Variants in SLC15A1 observed in about 807,000 individuals in gnomAD.
SLC15A1 encodes solute carrier family 15 member 1.
In SLC15A1, 83 loss-of-function variants were observed where a neutral mutation model predicts 92.9. The ratio of observed to expected loss-of-function variants is 0.89; its 90% CI spans 0.75 to 1.07. The LOEUF is 1.07. Ranked by LOEUF, SLC15A1 falls within the 50% of genes least tolerant of loss-of-function variation. The pLI is 0.00. For missense variants in SLC15A1, 857 were observed against 880.1 expected, an observed-to-expected ratio of 0.97 and a Z score of 0.33; for synonymous variants, 322 against 318.2, an observed-to-expected ratio of 1.01 and a Z score of -0.13.
intron 15 of SLC15A1, among the ~76,000 whole-genome samples, chr13:98,706,959 C>T (rs1241087091): frequency 6.6e-6 from 1 of 152,222 alleles, no homozygotes; most frequent in Non-Finnish European, 1.5e-5. Flanking sequence ...GATCTACCGT[C>T]ACCCGACTCC....
chr13:98,695,541 C>T (rs1207595483), intron 18 of SLC15A1, among the ~76,000 whole-genome samples: 2 of 152,118 alleles, frequency 1.3e-5, no homozygotes, highest in Admixed American at 1.3e-4. Flanking sequence ...TACAGGCACA[C>T]ACCATGCCCA....
intron 18 of SLC15A1, among the ~76,000 whole-genome samples, chr13:98,695,677 G>A (rs1334861079): frequency 1.3e-5 from 2 of 152,036 alleles, no homozygotes; most frequent in African/African-American, 2.4e-5. Flanking sequence ...ACAGGCTTGA[G>A]CCACCGAGCC....
intron 1 of SLC15A1, among the ~76,000 whole-genome samples, chr13:98,734,083 G>A (rs1270950849): frequency 1.3e-5 from 2 of 151,956 alleles, no homozygotes; most frequent in African/African-American, 2.4e-5. Context: ...CTCCTGCATC[G>A]GCCTCCTGAG....
Position 98,723,914 on chromosome 13 carries a change from G to C in SLC15A1, c.363C>G (p.His121Gln). The C allele has an allele frequency of 6.2e-7, 1 of 1,614,120 alleles. No individual in the cohort carries two copies. The highest frequency in any genetic ancestry group is 1.7e-4 in the Middle Eastern group (1 of 6,056). Residue 121 changes from histidine to glutamine, a missense_variant and splice_region_variant, in exon 5 of 23, where the codon CAC (histidine) becomes CAG (glutamine). His to Gln is a conservative substitution (Grantham distance 24). Coordinates refer to ENST00000376503, the MANE Select transcript of SLC15A1 (RefSeq NM_005073.4). ...GGCAGCAGTGAGCACCAACTCACAC[G>C]TGCACAGGAAGGCTGTCGGGGGTGC... ...HDGTPDSLPV[H>Q]VVLSLIGLAL...
chr13:98,731,765 A>G (rs528685718), intron 1 of SLC15A1, among the ~76,000 whole-genome samples: 16 of 152,154 alleles, frequency 1.1e-4, no homozygotes, highest in African/African-American at 3.9e-4. Context: ...ATAGTGGTAA[A>G]GTTTTTCTCT....
intron 1 of SLC15A1, among the ~76,000 whole-genome samples, chr13:98,750,135 G>A (rs776623237): frequency 6.6e-5 from 10 of 151,006 alleles, no homozygotes; most frequent in Admixed American, 5.3e-4. Flanking sequence ...TTTTTGAGAC[G>A]GAGTTTCACT....
At chr13:98,718,413 A>C (rs898658054) in intron 8 of SLC15A1, among the ~76,000 whole-genome samples, 6 of 143,822 alleles carry the variant, frequency 4.2e-5, no homozygotes, top group African/African-American at 8.0e-5. Context: ...TCGACCTCCC[A>C]GGCTCAAGCA....
intron 11 of SLC15A1, among the ~76,000 whole-genome samples, chr13:98,710,688 A>G (rs1268778128): frequency 6.6e-6 from 1 of 151,428 alleles, no homozygotes; most frequent in Non-Finnish European, 1.5e-5. Context: ...GGTGCCTGTC[A>G]TCTCAGCTGC....
In SLC15A1 at chr13:98,706,245, A is replaced by T; in HGVS notation, c.1158T>A (p.Leu386=). Residue 386 remains leucine, a synonymous_variant, in exon 16 of 23, where the codon CTT becomes CTA. Transcript: ENST00000376503. Reference sequence around the variant, plus strand: ...CTTCGTTTCCTTTGGGGAAGACTGGAAGAGTTTTCTGAGCAAAATAAAAGA... The same window carrying T: ...CTTCGTTTCCTTTGGGGAAGACTGGTAGAGTTTTCTGAGCAAAATAAAAGA... ...AIVQVEIDKT[L]PVFPKGNEVQ... is the part of the protein sequence containing the mutation. The T allele has an allele frequency of 6.2e-7, 1 of 1,612,348 alleles. No homozygotes were observed. Among genetic ancestry groups the T allele is most frequent in the African/African-American group, 1.3e-5 (1 of 74,906 alleles).
intron 1 of SLC15A1, among the ~76,000 whole-genome samples, chr13:98,747,693 C>T (rs2088505214): frequency 6.6e-6 from 1 of 152,114 alleles, no homozygotes; most frequent in South Asian, 2.1e-4. Context: ...CCATCCTGGC[C>T]AACGTGGTGA....
intron 1 of SLC15A1, among the ~76,000 whole-genome samples, chr13:98,745,934 C>T (rs1227054315): frequency 2.0e-5 from 3 of 151,856 alleles, no homozygotes; most frequent in Non-Finnish European, 2.9e-5. Context: ...ATAGGTAACT[C>T]GTGACTCAGG....
At chr13:98,724,321 T>C (rs1218772684) in intron 4 of SLC15A1, among the ~76,000 whole-genome samples, 1 of 152,010 alleles carries the variant, frequency 6.6e-6, no homozygotes, top group Non-Finnish European at 1.5e-5. Flanking sequence ...CTGGGCAACA[T>C]AGCAAGACCC....
rs2087917230 is a variant in SLC15A1, at chr13:98,684,756, T to A, written c.2095A>T (p.Met699Leu). 6.2e-7 allele frequency: 1 copy of A among 1,614,012 alleles called. No homozygotes were observed. Among genetic ancestry groups the A allele is most frequent in the Non-Finnish European group, 8.5e-7 (1 of 1,179,990 alleles). Residue 699 changes from methionine to leucine, a missense_variant, in exon 23 of 23, where the codon ATG (methionine) becomes TTG (leucine). Transcript: ENST00000376503. ...TGTTTCTGTGAATTGGCCCCTGACA[T>A]GAAATATGGGTTACTCTTTTCCAGT... ...NRLEKSNPYF[M>L]SGANSQKQM is the part of the protein sequence containing the mutation.
chr13:98,709,541 C>A lies in SLC15A1; in HGVS notation c.1067+31G>T, dbSNP rs377260942. On this transcript the variant is annotated intron_variant, in intron 14 of 22. Transcript: ENST00000376503. ...CTGCAAAGCCCTGGGACCAAGGGAG[C>A]CTCAACCAACCCAACCCACCCGTCA... 3.7e-6 allele frequency: 6 copies of A among 1,601,378 alleles called. No homozygotes were observed. In the African/African-American group the frequency reaches 5.4e-5, roughly 14 times the overall value.
chr13:98,721,076 A>G, intron 7 of SLC15A1: 3 of 467,224 alleles, frequency 6.4e-6, no homozygotes, highest in South Asian at 3.1e-5. Flanking sequence ...CAAACAAAAA[A>G]TCAATACAAT....
In SLC15A1 at chr13:98,744,606, G is replaced by A. The variant is rs185979318; in HGVS notation, c.4+7989C>T. On this transcript the variant is annotated intron_variant, in intron 1 of 22. Transcript: ENST00000376503. Reference sequence around the variant, plus strand: ...TCTACACAAGATACAAAAATTAGCCGGGCGTGGTGGCATGTGCCTGTAATC... The same window carrying A: ...TCTACACAAGATACAAAAATTAGCCAGGCGTGGTGGCATGTGCCTGTAATC... 2.5e-4 allele frequency among the ~76,000 whole-genome samples: 38 copies of A among 151,480 alleles called. No individual in the cohort carries two copies. The East Asian group carries it at 3.9e-3, about 16-fold the overall frequency.
chr13:98,716,345 G>A (rs954586842), intron 8 of SLC15A1, among the ~76,000 whole-genome samples: 2 of 152,216 alleles, frequency 1.3e-5, no homozygotes, highest in African/African-American at 4.8e-5. Context: ...AATGGGGCCA[G>A]GCGCGGTGGC....
At chr13:98,730,111 G>A (rs1460548321) in intron 1 of SLC15A1, among the ~76,000 whole-genome samples, 4 of 151,656 alleles carry the variant, frequency 2.6e-5, no homozygotes, top group Non-Finnish European at 5.9e-5. Flanking sequence ...CAGAAGAATC[G>A]CTTGAGCTTG....
chr13:98,715,771 CTA>C (rs2088207435), intron 9 of SLC15A1, 105 bp downstream of exon 9: 1 of 899,220 alleles, frequency 1.1e-6, no homozygotes, highest in Non-Finnish European at 1.8e-6. Context: ...GTTAAGAACA[CTA>C]AAAATATATT....
Sources: allele counts gnomAD v4.1 joint callset (sites outside exome capture counted in the v4.1 genomes callset), GRCh38; gene constraint gnomAD v4.1.1; transcripts MANE v1.5; gene names NCBI Gene and HGNC (gene_info 2026-07-23, HGNC 2026-07-21).